The following ARB2A variants were observed in gnomAD, a reference collection of about 807,000 sequenced individuals.
ARB2A encodes cotranscriptional regulator ARB2A.
the ARB2A span, among the ~76,000 whole-genome samples, chr5:93,857,698 T>C: frequency 1.2e-4 from 19 of 152,304 alleles, no homozygotes; most frequent in African/African-American, 4.3e-4. Flanking sequence ...CACCCCTTTC[T>C]TTGACTAGGA....
chr5:93,683,591 A>C, the ARB2A span: 1 of 1,468,046 alleles, frequency 6.8e-7, no homozygotes, highest in Non-Finnish European at 9.4e-7. Flanking sequence ...GTTCTTAAGG[A>C]TAACTGGCGC....
chr5:94,060,858 C>T, the ARB2A span, among the ~76,000 whole-genome samples: 2 of 152,266 alleles, frequency 1.3e-5, no homozygotes, highest in Non-Finnish European at 2.9e-5. Flanking sequence ...AAAAAATCAA[C>T]ATGTAATCCA....
chr5:93,854,322 T>G, the ARB2A span, among the ~76,000 whole-genome samples: 2 of 152,186 alleles, frequency 1.3e-5, no homozygotes, highest in African/African-American at 2.4e-5. Flanking sequence ...ATCATTTTTA[T>G]TGCACCTATT....
the ARB2A span, among the ~76,000 whole-genome samples, chr5:93,883,493 G>A: frequency 5.9e-5 from 9 of 151,510 alleles, no homozygotes; most frequent in African/African-American, 1.5e-4. Context: ...ATTCTAATCT[G>A]TATAGCTATT....
the ARB2A span, among the ~76,000 whole-genome samples, chr5:93,854,292 T>C: frequency 1.3e-5 from 2 of 152,210 alleles, no homozygotes; most frequent in African/African-American, 4.8e-5. Flanking sequence ...TTCTGTGGGA[T>C]TGGTGGTGGC....
chr5:93,760,248 A>G, the ARB2A span, among the ~76,000 whole-genome samples: 1 of 152,182 alleles, frequency 6.6e-6, no homozygotes. Flanking sequence ...AAGAAATCAT[A>G]CGTGACAGAA....
the ARB2A span, among the ~76,000 whole-genome samples, chr5:93,834,270 A>G: frequency 6.6e-6 from 1 of 152,210 alleles, no homozygotes; most frequent in Non-Finnish European, 1.5e-5. Context: ...GTGAGACCAT[A>G]AGTATTGTTA....
chr5:93,621,085 T>C, the ARB2A span: 2 of 1,611,720 alleles, frequency 1.2e-6, no homozygotes, highest in Admixed American at 1.7e-5. Flanking sequence ...AATTTGAAAA[T>C]AGACGGAAAG....
the ARB2A span, chr5:94,055,582 A>G: frequency 2.1e-6 from 2 of 973,868 alleles, no homozygotes; most frequent in African/African-American, 3.5e-5. Flanking sequence ...ACACTCTAGT[A>G]AGACAAAAAT....
At chr5:93,647,949 C>A in the ARB2A span, among the ~76,000 whole-genome samples, 7 of 151,874 alleles carry the variant, frequency 4.6e-5, no homozygotes, top group African/African-American at 1.7e-4. Flanking sequence ...TGGAGACCAG[C>A]CTGGGCAACA....
chr5:93,727,230 A>T, the ARB2A span, among the ~76,000 whole-genome samples: 4 of 152,104 alleles, frequency 2.6e-5, no homozygotes, highest in African/African-American at 9.7e-5. Flanking sequence ...ACTGAAAACT[A>T]GGTATAGCTA....
the ARB2A span, among the ~76,000 whole-genome samples, chr5:94,055,296 C>T: frequency 2.6e-5 from 4 of 152,166 alleles, no homozygotes; most frequent in Non-Finnish European, 4.4e-5. Flanking sequence ...GTGAGGCAAA[C>T]CAGTCCCTTT....
chr5:93,984,242 A>G, the ARB2A span, among the ~76,000 whole-genome samples: 2 of 152,174 alleles, frequency 1.3e-5, no homozygotes, highest in Non-Finnish European at 2.9e-5. Flanking sequence ...ATTACAAGGA[A>G]CCATATATAT....
chr5:93,775,775 A>G, the ARB2A span, among the ~76,000 whole-genome samples: 183 of 152,350 alleles, frequency 1.2e-3, no homozygotes, highest in African/African-American at 4.2e-3. Context: ...TCTCTAGGAC[A>G]CACAACATCC....
the ARB2A span, among the ~76,000 whole-genome samples, chr5:93,750,353 T>C: frequency 1.3e-5 from 2 of 152,182 alleles, no homozygotes; most frequent in African/African-American, 4.8e-5. Context: ...AATAACTGAG[T>C]GATTACTCCT....
At chr5:93,943,434 C>A in the ARB2A span, among the ~76,000 whole-genome samples, 1 of 151,994 alleles carries the variant, frequency 6.6e-6, no homozygotes, top group African/African-American at 2.4e-5. Context: ...CATATTTTTT[C>A]TCTGAGCCCT....
the ARB2A span, among the ~76,000 whole-genome samples, chr5:93,825,725 G>A: frequency 1.3e-5 from 2 of 152,014 alleles, no homozygotes; most frequent in African/African-American, 4.8e-5. Flanking sequence ...TCAAAAATCA[G>A]TGAGCACATT....
At chr5:93,883,618 T>G in the ARB2A span, among the ~76,000 whole-genome samples, 1 of 151,576 alleles carries the variant, frequency 6.6e-6, no homozygotes, top group African/African-American at 2.4e-5. Context: ...AGGAAGTTCC[T>G]ACCCCTCTTC....
chr5:93,905,138 T>A, the ARB2A span, among the ~76,000 whole-genome samples: 1 of 151,872 alleles, frequency 6.6e-6, no homozygotes, highest in South Asian at 2.1e-4. Context: ...TTAAATCAAG[T>A]ACACATTTAT....
Sources: allele counts gnomAD v4.1 joint callset (sites outside exome capture counted in the v4.1 genomes callset), GRCh38; gene constraint gnomAD v4.1.1; transcripts MANE v1.5; gene names NCBI Gene and HGNC (gene_info 2026-07-23, HGNC 2026-07-21).